The following IGSF10 variants were observed in gnomAD, a reference collection of about 807,000 sequenced individuals.
The protein encoded by IGSF10 is calvaria mechanical force protein 608.
Under a neutral mutation model 128.2 loss-of-function variants are expected in IGSF10, and 126 were observed. That is an observed-to-expected ratio of 0.98 (90% CI 0.85 to 1.14). The LOEUF (loss-of-function observed/expected upper bound fraction) is 1.14. IGSF10 is among the 50% of genes most tolerant of loss of function. The pLI, the probability that IGSF10 is intolerant of heterozygous loss-of-function variation, is 0.00. For missense variants in IGSF10, 3,295 were observed against 3,149.8 expected (o/e 1.05, Z -1.10); for synonymous variants, 1,185 against 1,146.2 (o/e 1.03, Z -0.68).
chr3:151,482,845 T>G, the IGSF10 span, among the ~76,000 whole-genome samples: 1 of 151,252 alleles, frequency 6.6e-6, no homozygotes, highest in Non-Finnish European at 1.5e-5. Flanking sequence ...TATTAGTGGA[T>G]TTCTAAGGGA....
the IGSF10 span, among the ~76,000 whole-genome samples, chr3:151,531,928 C>T: frequency 3.1e-4 from 47 of 150,772 alleles, no homozygotes; most frequent in African/African-American, 1.1e-3. Flanking sequence ...CAAAATAGAC[C>T]GCTAGCAAGA....
the IGSF10 span, among the ~76,000 whole-genome samples, chr3:151,471,982 A>G: frequency 3.9e-5 from 6 of 152,220 alleles, no homozygotes; most frequent in Non-Finnish European, 7.3e-5. Flanking sequence ...GTGCAGACTC[A>G]TAGCCCAGAT....
chr3:151,495,673 T>C, the IGSF10 span, among the ~76,000 whole-genome samples: 1 of 152,106 alleles, frequency 6.6e-6, no homozygotes, highest in East Asian at 1.9e-4. Flanking sequence ...TACCCATTGC[T>C]GGAAATAGGC....
At chr3:151,454,050 C>T (rs1431080137) in intron 4 of IGSF10, among the ~76,000 whole-genome samples, 2 of 147,240 alleles carry the variant, frequency 1.4e-5, no homozygotes, top group African/African-American at 5.1e-5. Context: ...CAGCGTCTTG[C>T]TCTGTCGCCC....
At chr3:151,533,089 A>G in the IGSF10 span, among the ~76,000 whole-genome samples, 1 of 152,222 alleles carries the variant, frequency 6.6e-6, no homozygotes, top group Non-Finnish European at 1.5e-5. Flanking sequence ...TAAAATACCT[A>G]GGAATAAAAC....
the IGSF10 span, among the ~76,000 whole-genome samples, chr3:151,541,722 C>T: frequency 6.6e-6 from 1 of 152,054 alleles, no homozygotes; most frequent in African/African-American, 2.4e-5. Flanking sequence ...ATCTTTTCCT[C>T]CTTCTCTCGA....
At chr3:151,451,071 T>C (rs1336988119) in intron 5 of IGSF10, among the ~76,000 whole-genome samples, 1 of 152,166 alleles carries the variant, frequency 6.6e-6, no homozygotes, top group Non-Finnish European at 1.5e-5. Context: ...TTGCTTGCAC[T>C]GAGCCAGAGT....
chr3:151,524,282 A>T, the IGSF10 span, among the ~76,000 whole-genome samples: 1 of 152,152 alleles, frequency 6.6e-6, no homozygotes, highest in Admixed American at 6.6e-5. Flanking sequence ...TACTGGGCAT[A>T]TACCCAGAGG....
chr3:151,446,050 T>C lies in IGSF10; in HGVS notation c.3931A>G (p.Ile1311Val), dbSNP rs34114908. The change falls in exon 6 of 8, where the codon ATC (isoleucine) becomes GTC (valine). Residue 1311 changes from isoleucine (I) to valine (V), a missense_variant. Physicochemically the swap from Ile to Val is conservative, Grantham distance 29. Transcript: ENST00000282466. ...IISKDSSTKS[I>V]ISTQTAIPAT... ...GGTATTGCTGTTTGCGTTGATATGATGCTTTTTGTACTTGAGTCTTTGCTT... is the reference window on the plus strand; with the variant it reads ...GGTATTGCTGTTTGCGTTGATATGACGCTTTTTGTACTTGAGTCTTTGCTT... 23,406 of 1,614,140 alleles carry C rather than the reference T, an allele frequency of 0.015. 211 individuals are homozygous for C. Among genetic ancestry groups the C allele is most frequent in the Non-Finnish European group, 0.016 (19,150 of 1,180,014 alleles).
At chr3:151,515,636 C>T in the IGSF10 span, among the ~76,000 whole-genome samples, 10 of 150,890 alleles carry the variant, frequency 6.6e-5, no homozygotes, top group East Asian at 2.0e-4. Context: ...AATAAAAGTG[C>T]TGCATTCTGT....
At chr3:151,610,154 C>A in the IGSF10 span, among the ~76,000 whole-genome samples, 1 of 151,954 alleles carries the variant, frequency 6.6e-6, no homozygotes, top group Non-Finnish European at 1.5e-5. Context: ...AGGATGGTGG[C>A]AGTTGGGTGG....
At chr3:151,489,908 C>T in the IGSF10 span, among the ~76,000 whole-genome samples, 6 of 151,756 alleles carry the variant, frequency 4.0e-5, no homozygotes, top group Middle Eastern at 3.4e-3. Context: ...CACCATGGCA[C>T]GTCTATACCT....
chr3:151,536,836 C>G, the IGSF10 span, among the ~76,000 whole-genome samples: 1 of 152,164 alleles, frequency 6.6e-6, no homozygotes, highest in East Asian at 1.9e-4. Flanking sequence ...TGAACTACTT[C>G]TAGCATAATT....
chr3:151,495,473 G>T, the IGSF10 span, among the ~76,000 whole-genome samples: 5 of 151,972 alleles, frequency 3.3e-5, no homozygotes, highest in African/African-American at 7.2e-5. Context: ...AAGCTTAATG[G>T]TAGAATTTGG....
chr3:151,497,229 T>C, the IGSF10 span, among the ~76,000 whole-genome samples: 1 of 152,218 alleles, frequency 6.6e-6, no homozygotes, highest in Non-Finnish European at 1.5e-5. Context: ...CTTTTGGTGT[T>C]TTAGACATGA....
the IGSF10 span, among the ~76,000 whole-genome samples, chr3:151,619,730 T>C: frequency 6.6e-6 from 1 of 151,786 alleles, no homozygotes. Context: ...ATTTGGGAGG[T>C]GATTGGGTTA....
At chr3:151,432,805 A>C (rs771435827), downstream of IGSF10, 3 of 1,612,428 alleles carry the variant, frequency 1.9e-6, no homozygotes, top group South Asian at 3.3e-5. Context: ...ACACTTCTGA[A>C]TCTGCAAGAG....
the IGSF10 span, among the ~76,000 whole-genome samples, chr3:151,579,495 G>T: frequency 4.0e-5 from 6 of 151,592 alleles, no homozygotes; most frequent in Admixed American, 6.6e-5. Flanking sequence ...TTTTGTCAGA[G>T]AAATGGAAAC....
the IGSF10 span, among the ~76,000 whole-genome samples, chr3:151,509,155 TG>T: frequency 2.6e-5 from 4 of 152,214 alleles, no homozygotes; most frequent in Non-Finnish European, 5.9e-5. Flanking sequence ...TCATTTGGAC[TG>T]GGTAAGAATT....
Sources: gnomAD v4.1 joint callset for allele counts (sites outside exome capture counted in the v4.1 genomes callset) on GRCh38, gnomAD v4.1.1 for gene constraint, MANE v1.5 for transcripts, NCBI Gene and HGNC (gene_info 2026-07-23, HGNC 2026-07-21) for gene names.